The following STARD9 variants were observed in gnomAD, a reference collection of about 807,000 sequenced individuals.
The protein encoded by STARD9 is stAR-related lipid transfer protein 9.
Under a neutral mutation model 399.8 loss-of-function variants are expected in STARD9, and 346 were observed. That is an observed-to-expected ratio of 0.87 (90% CI 0.79 to 0.95). The LOEUF (loss-of-function observed/expected upper bound fraction) is 0.95. Ranked by LOEUF, STARD9 falls within the 40% of genes least tolerant of loss-of-function variation. The probability of loss-of-function intolerance (pLI) is 0.00; values close to 1 mark genes in which losing one functional copy is unlikely to be tolerated. For synonymous variants in STARD9, 2,203 were observed against 2,143.5 expected (o/e 1.03, Z -0.77); for missense variants, 5,832 against 5,667.5 (o/e 1.03, Z -0.93).
At chr15:42,662,405 AAAG>A (rs1439033548) in intron 10 of STARD9, among the ~76,000 whole-genome samples, 1 of 152,350 alleles carries the variant, frequency 6.6e-6, no homozygotes, top group Middle Eastern at 3.4e-3. Flanking sequence ...TTTACTTAAA[AAAG>A]AAATTCAAAC....
At chr15:42,597,367 G>A (rs2058527203) in intron 3 of STARD9, among the ~76,000 whole-genome samples, 1 of 151,704 alleles carries the variant, frequency 6.6e-6, no homozygotes, top group South Asian at 2.1e-4. Context: ...GCATATATAT[G>A]TATATTTATT....
chr15:42,590,041 G>A (rs1008327116), intron 3 of STARD9, among the ~76,000 whole-genome samples: 7 of 144,592 alleles, frequency 4.8e-5, no homozygotes, highest in Admixed American at 1.4e-4. Flanking sequence ...GCTCACTGCA[G>A]CCTCAACCTC....
Position 42,675,877 on chromosome 15 carries a change from A to C in STARD9, c.1776A>C (p.Gly592=), listed in dbSNP as rs1453427759. Residue 592 remains glycine (G), a synonymous_variant, in exon 20 of 33, where the codon GGA becomes GGC. Transcript: ENST00000290607. ...TGCTTTCTTCCTTGTTCAAGGTTGG[A>C]GAGGCTGCTGCTGGTCGTGGCTCGT... ...AAVLRQRRQV[G]EAAAGRGSLE... is the part of the protein sequence containing the mutation. 2 of 1,537,046 alleles carry C rather than the reference A, an allele frequency of 1.3e-6. No homozygotes were observed. Among genetic ancestry groups the C allele is most frequent in the Non-Finnish European group, 1.7e-6 (2 of 1,146,888 alleles).
chr15:42,695,292 T>G lies in STARD9; in HGVS notation c.13115T>G (p.Ile4372Ser). The G allele has an allele frequency of 5.9e-6, 9 of 1,536,342 alleles. No individual in the cohort carries two copies. Among genetic ancestry groups the G allele is most frequent in the Non-Finnish European group, 7.9e-6 (9 of 1,146,326 alleles). ...CGGACTGAACAAGAGAAGCTGAGAATCCACCAGAAGATCATTTCCCAGCTA... is the reference window on the plus strand; with the variant it reads ...CGGACTGAACAAGAGAAGCTGAGAAGCCACCAGAAGATCATTTCCCAGCTA... The part of the protein sequence containing the change: ...RERTEQEKLR[I>S]HQKIISQLLK... The change falls in exon 25 of 33, where the codon ATC (isoleucine) becomes AGC (serine). Residue 4372 changes from isoleucine (I) to serine (S), a missense_variant. Physicochemically the swap from Ile to Ser is moderately radical, Grantham distance 142. Coordinates refer to ENST00000290607, the MANE Select transcript of STARD9 (RefSeq NM_020759.3).
At chr15:42,622,379 T>C (rs1193207795) in intron 3 of STARD9, among the ~76,000 whole-genome samples, 2 of 152,104 alleles carry the variant, frequency 1.3e-5, no homozygotes, top group African/African-American at 2.4e-5. Context: ...GTCTCTCTCT[T>C]TTTTTAGAGA....
chr15:42,676,107 C>A, intron 20 of STARD9, 132 bp downstream of exon 20: 1 of 722,134 alleles, frequency 1.4e-6, no homozygotes, highest in Non-Finnish European at 2.3e-6. Context: ...TTGTCTGAAT[C>A]AACTTGGGCA....
rs1211527567 is a variant in STARD9 at position 42,692,792 on chromosome 15, T to A, written c.11214T>A (p.Thr3738=). 6.5e-7 allele frequency: 1 copy of A among 1,537,206 alleles called. No homozygotes were observed. The highest frequency in any genetic ancestry group is 2.4e-5 in the East Asian group (1 of 40,906). The change falls in exon 23 of 33, where the codon ACT becomes ACA. Residue 3738 remains threonine (T), a synonymous_variant. Coordinates refer to ENST00000290607, the MANE Select transcript of STARD9 (RefSeq NM_020759.3). ...TQTTVDEGSQ[T]DLTLPTLCLQ... is the part of the protein sequence containing the mutation. Reference sequence around the variant, plus strand: ...CCACTGTGGATGAGGGCAGCCAGACTGACCTCACCTTACCCACCCTGTGCC... The same window carrying A: ...CCACTGTGGATGAGGGCAGCCAGACAGACCTCACCTTACCCACCCTGTGCC...
intron 1 of STARD9, 67 bp from the exon 2 acceptor site, chr15:42,583,279 T>G: frequency 8.0e-7 from 1 of 1,248,150 alleles, no homozygotes; most frequent in Non-Finnish European, 1.1e-6. Flanking sequence ...CCACTAGCAC[T>G]GGTTTTAGGC....
intron 3 of STARD9, among the ~76,000 whole-genome samples, chr15:42,631,342 G>A (rs749336604): frequency 3.9e-5 from 6 of 152,120 alleles, no homozygotes; most frequent in Non-Finnish European, 7.3e-5. Flanking sequence ...AGTACTTTGT[G>A]ACGCCAAGTT....
In STARD9 at chr15:42,682,402, GGA is replaced by G; in HGVS notation, c.2367_2368del (p.Lys790AlafsTer10). ...GGCTGCTGGAGGCCCAGAAGAGACTGGAGAAGCTCACGACATTGTGCTGGCTC... is the reference window on the plus strand; with the variant it reads ...GGCTGCTGGAGGCCCAGAAGAGACTGGAAGCTCACGACATTGTGCTGGCTC... ...QRLLEAQKRL[E>X]KLTTLCWLQD... On this transcript the variant is annotated frameshift_variant, in exon 22 of 33. Coordinates refer to ENST00000290607, the MANE Select transcript of STARD9 (RefSeq NM_020759.3). LOFTEE classifies it high-confidence loss of function. 6.5e-7 allele frequency: 1 copy of G among 1,537,256 alleles called. No homozygotes were observed. The highest frequency in any genetic ancestry group is 8.7e-7 in the Non-Finnish European group (1 of 1,146,904).
intron 3 of STARD9, among the ~76,000 whole-genome samples, chr15:42,624,330 A>G (rs918317705): frequency 6.6e-6 from 1 of 152,130 alleles, no homozygotes; most frequent in African/African-American, 2.4e-5. Flanking sequence ...AACACTATTT[A>G]TGTCTATAAT....
At chr15:42,619,701 G>A (rs1239647111) in intron 3 of STARD9, among the ~76,000 whole-genome samples, 1 of 152,208 alleles carries the variant, frequency 6.6e-6, no homozygotes, top group Non-Finnish European at 1.5e-5. Context: ...GTGAGCAATG[G>A]GAGAGTAGCT....
chr15:42,602,187 A>T (rs754291307), intron 3 of STARD9, among the ~76,000 whole-genome samples: 38 of 152,362 alleles, frequency 2.5e-4, no homozygotes, highest in South Asian at 2.1e-4. Context: ...CACCAAAGGC[A>T]GGCAGAGTCT....
intron 9 of STARD9, among the ~76,000 whole-genome samples, chr15:42,653,593 GA>G (rs1408695621): frequency 1.4e-5 from 2 of 142,732 alleles, no homozygotes; most frequent in East Asian, 4.0e-4. Flanking sequence ...CAGAAGCATT[GA>G]ACCCTTAGAA....
chr15:42,670,041 ACT>A (rs1202174174), intron 16 of STARD9: 4 of 152,024 alleles, frequency 2.6e-5, no homozygotes, highest in East Asian at 1.9e-4. Flanking sequence ...ACAAAGTAAG[ACT>A]CTGTCTCAAA....
intron 3 of STARD9, among the ~76,000 whole-genome samples, chr15:42,626,675 T>C (rs918404000): frequency 4.4e-5 from 6 of 135,860 alleles, no homozygotes; most frequent in Non-Finnish European, 9.7e-5. Flanking sequence ...TAATTTTGTA[T>C]TTTTTTTTTT....
chr15:42,593,501 A>G (rs1310261932), intron 3 of STARD9, among the ~76,000 whole-genome samples: 3 of 151,970 alleles, frequency 2.0e-5, no homozygotes, highest in African/African-American at 4.8e-5. Context: ...GGAAATCTTT[A>G]TTTTAAAATG....
At chr15:42,707,041 G>GT (rs1164232907) in intron 26 of STARD9, among the ~76,000 whole-genome samples, 2 of 151,972 alleles carry the variant, frequency 1.3e-5, no homozygotes, top group East Asian at 3.9e-4. Flanking sequence ...TTTTTCTGTG[G>GT]TTTTTGCTTT....
chr15:42,649,616 A>G (rs916916257), intron 7 of STARD9, among the ~76,000 whole-genome samples: 6 of 151,132 alleles, frequency 4.0e-5, no homozygotes, highest in Non-Finnish European at 5.9e-5. Context: ...CTGGGGTGCA[A>G]TGGTGAGATC....
Sources: gnomAD v4.1 joint callset for allele counts (sites outside exome capture counted in the v4.1 genomes callset) on GRCh38, gnomAD v4.1.1 for gene constraint, MANE v1.5 for transcripts, NCBI Gene and HGNC (gene_info 2026-07-23, HGNC 2026-07-21) for gene names.